The following HACE1 variants were observed in gnomAD, a reference collection of about 807,000 sequenced individuals.
HACE1 encodes the protein HECT domain and ankyrin repeat containing E3 ubiquitin protein ligase 1, also known as E3 ubiquitin-protein ligase HACE1.
Under a neutral mutation model 118.4 loss-of-function variants are expected in HACE1, and 73 were observed. The observed-to-expected ratio is 0.62, with a 90% CI of 0.51 to 0.75. The LOEUF is 0.75. HACE1 is among the 30% of genes least tolerant of loss of function. The pLI is 0.00. For synonymous variants in HACE1, 368 were observed against 374.8 expected (o/e 0.98, Z 0.21); for missense variants, 749 against 1,102.2 (o/e 0.68, Z 4.54).
rs769729775 is a variant in HACE1, at chr6:104,744,500, G to C, written c.2442+12C>G. 1 of 1,410,632 alleles carries C rather than the reference G, an allele frequency of 7.1e-7. No homozygotes were observed. The highest frequency in any genetic ancestry group is 1.0e-6 in the Non-Finnish European group (1 of 994,408). 87.4% of individuals were successfully genotyped at this position (1,410,632 alleles called of 1,614,324 possible). A position where few individuals can be genotyped will look rare whatever the true frequency, so the allele number is the denominator to read the frequency against. ...AAACTTAACTTCATTCTAAGCTCTA[G>C]AGAAATTTTACCTGAATAACTGGAT... On this transcript the variant is annotated intron_variant, in intron 21 of 23. Coordinates refer to ENST00000262903, the MANE Select transcript of HACE1 (RefSeq NM_020771.4).
At chr6:104,797,090 A>T (rs1243549960) in intron 7 of HACE1, 65 bp from the exon 8 acceptor site, 1 of 873,974 alleles carries the variant, frequency 1.1e-6, no homozygotes, top group Non-Finnish European at 2.0e-6. Context: ...TGAATTATGG[A>T]TAGTTAATAT....
At chr6:104,770,122 G>C (rs185466981) in intron 19 of HACE1, among the ~76,000 whole-genome samples, 2 of 152,106 alleles carry the variant, frequency 1.3e-5, no homozygotes, top group Admixed American at 1.3e-4. Context: ...TAAATCTATA[G>C]TTTAAAAAAT....
intron 11 of HACE1, among the ~76,000 whole-genome samples, chr6:104,791,145 T>C (rs1245885694): frequency 6.6e-6 from 1 of 152,192 alleles, no homozygotes; most frequent in Non-Finnish European, 1.5e-5. Flanking sequence ...AAATAAAAAC[T>C]GTGCATTTTA....
intron 19 of HACE1, among the ~76,000 whole-genome samples, chr6:104,769,240 G>T (rs9499964): frequency 0.032 from 4,791 of 151,942 alleles, 239 homozygotes; most frequent in African/African-American, 0.11. Context: ...TCACTATGTT[G>T]CCCAGGCTTG....
At chr6:104,831,484 C>T (rs564068430) in intron 6 of HACE1, among the ~76,000 whole-genome samples, 153 of 152,076 alleles carry the variant, frequency 1.0e-3, no homozygotes, top group African/African-American at 3.6e-3. Context: ...ACTTAGGAGG[C>T]TGAGGCACAA....
Position 104,737,282 on chromosome 6 carries a change from C to CAAAA in HACE1, c.2514-6870_2514-6867dup, listed in dbSNP as rs59915070. The stretch of plus-strand genomic sequence containing the variant: ...TGGGGGACAGAGTGAGACTCTCTCT[C>CAAAA]AAAAAAAAAAAAAAAAAAAAAAAAA... On this transcript the variant is annotated intron_variant, in intron 22 of 23. Coordinates refer to ENST00000262903, the MANE Select transcript of HACE1 (RefSeq NM_020771.4). Among the ~76,000 whole-genome samples the CAAAA allele has an allele frequency of 9.2e-3, 393 of 42,738 alleles. 17 individuals carry two copies. Among genetic ancestry groups the CAAAA allele is most frequent in the African/African-American group, 0.031 (363 of 11,634 alleles). The allele number at this position is 42,738 out of a possible 152,430, so 28.0% of individuals were successfully genotyped here. A position where few individuals can be genotyped will look rare whatever the true frequency, so the allele number is the denominator to read the frequency against.
chr6:104,805,721 G>A (rs1770919740), intron 7 of HACE1, among the ~76,000 whole-genome samples: 1 of 152,154 alleles, frequency 6.6e-6, no homozygotes, highest in Non-Finnish European at 1.5e-5. Flanking sequence ...AGGGGGCTGG[G>A]GGAGGGATAG....
rs762467930 is a variant in HACE1 at position 104,849,258 on chromosome 6, T to C, written c.222-12A>G. ...CCACCGATCCACAACTAAAACAATA[T>C]TAAAAGACAGTTCAGATACATTCAA... On this transcript the variant is annotated splice_polypyrimidine_tract_variant and intron_variant, in intron 3 of 23. Coordinates refer to ENST00000262903, the MANE Select transcript of HACE1 (RefSeq NM_020771.4). 6.8e-7 allele frequency: 1 copy of C among 1,478,382 alleles called. No individual in the cohort carries two copies. The allele number at this position is 1,478,382 out of a possible 1,614,324, so 91.6% of individuals were successfully genotyped here.
In HACE1 at chr6:104,836,799, C is replaced by A. The variant is rs780744057; in HGVS notation, c.403-3626G>T. The stretch of plus-strand genomic sequence containing the variant: ...ATCTCAAGCAATTTGCCCAAAGTCC[C>A]CCAGAACTAATAAGTGAGTTCAGCA... On this transcript the variant is annotated intron_variant, in intron 5 of 23. Coordinates refer to ENST00000262903, the MANE Select transcript of HACE1 (RefSeq NM_020771.4). 6.6e-5 allele frequency among the ~76,000 whole-genome samples: 10 copies of A among 152,182 alleles called. 1 individual carries two copies. The South Asian group carries it at 1.2e-3, about 19-fold the overall frequency.
chr6:104,761,978 G>A (rs1434773854), intron 19 of HACE1, among the ~76,000 whole-genome samples: 2 of 152,174 alleles, frequency 1.3e-5, no homozygotes, highest in Non-Finnish European at 2.9e-5. Context: ...TTAGAGAAAT[G>A]CAAATCAAAA....
intron 15 of HACE1, 32 bp downstream of exon 15, chr6:104,777,174 C>T (rs1396593704): frequency 6.5e-7 from 1 of 1,547,166 alleles, no homozygotes; most frequent in Non-Finnish European, 8.9e-7. Context: ...CTTTGTGCTT[C>T]ACACATATAT....
intron 6 of HACE1, among the ~76,000 whole-genome samples, chr6:104,815,688 C>A (rs565892486): frequency 1.4e-5 from 2 of 138,332 alleles, no homozygotes; most frequent in Admixed American, 7.1e-5. Context: ...TTCTAACCAG[C>A]AAAGCATTCA....
chr6:104,750,750 C>T (rs1777953843), intron 19 of HACE1, among the ~76,000 whole-genome samples: 2 of 152,152 alleles, frequency 1.3e-5, no homozygotes, highest in Non-Finnish European at 2.9e-5. Context: ...TCACTACCTC[C>T]ATTTCAGCAC....
Position 104,811,413 on chromosome 6 carries a change from TA to T in HACE1, c.535-21del. ...CACTGTCTGAGGGGGAAAAAATAATTAAAAGTAAAGCCAGAGGAATCAAACA... is the reference window on the plus strand; with the variant it reads ...CACTGTCTGAGGGGGAAAAAATAATTAAAGTAAAGCCAGAGGAATCAAACA... On this transcript the variant is annotated intron_variant, in intron 6 of 23. Transcript: ENST00000262903. The T allele has an allele frequency of 1.7e-6, 2 of 1,184,534 alleles. No homozygotes were observed. Among genetic ancestry groups the T allele is most frequent in the Non-Finnish European group, 1.3e-6 (1 of 789,616 alleles). 73.4% of individuals were successfully genotyped at this position (1,184,534 alleles called of 1,614,324 possible).
chr6:104,829,346 AAAC>A (rs1434345722), intron 6 of HACE1, among the ~76,000 whole-genome samples: 1 of 152,144 alleles, frequency 6.6e-6, no homozygotes, highest in African/African-American at 2.4e-5. Context: ...ACTCAAGATA[AAAC>A]AATACACTTA....
In HACE1 at chr6:104,808,487, C is replaced by T. The variant is rs534665244; in HGVS notation, c.617+2824G>A. On this transcript the variant is annotated intron_variant, in intron 7 of 23. Coordinates refer to ENST00000262903, the MANE Select transcript of HACE1 (RefSeq NM_020771.4). Reference sequence around the variant, plus strand: ...TGACTAATGTTGTATAGCTCTGGTGCTGGGATTTGAACCTGCCTACACAAA... The same window carrying T: ...TGACTAATGTTGTATAGCTCTGGTGTTGGGATTTGAACCTGCCTACACAAA... 4.6e-4 allele frequency among the ~76,000 whole-genome samples: 70 copies of T among 152,264 alleles called. 1 individual carries two copies. Among genetic ancestry groups the T allele is most frequent in the Admixed American group, 1.9e-3 (29 of 15,280 alleles).
intron 1 of HACE1, among the ~76,000 whole-genome samples, chr6:104,853,344 T>C (rs1205536592): frequency 1.3e-5 from 2 of 152,166 alleles, no homozygotes; most frequent in Non-Finnish European, 2.9e-5. Flanking sequence ...CTTTACACAA[T>C]AAATTCACAA....
Position 104,833,148 on chromosome 6 carries a change from C to T in HACE1, c.428G>A (p.Arg143Gln). 1.2e-6 allele frequency: 2 copies of T among 1,613,656 alleles called. No individual in the cohort carries two copies. The highest frequency in any genetic ancestry group is 1.7e-6 in the Non-Finnish European group (2 of 1,179,592). Residue 143 changes from arginine to glutamine, a missense_variant, in exon 6 of 24, where the codon CGG becomes CAG. Physicochemically the swap from Arg to Gln is conservative, Grantham distance 43. Transcript: ENST00000262903. ...CACAAGGTCATGGAGTAGTTCTGTC[C>T]GCCCATTCACAGCCAGCCAATGTAT... ...TAIHWLAVNGRTELLHDLVQH... is the reference protein window; with the variant it reads ...TAIHWLAVNGQTELLHDLVQH...
intron 5 of HACE1, among the ~76,000 whole-genome samples, chr6:104,835,337 G>T (rs890655799): frequency 1.3e-5 from 2 of 151,968 alleles, no homozygotes; most frequent in Non-Finnish European, 2.9e-5. Flanking sequence ...GGGGAAAAAG[G>T]AACCATGAAT....
Sources: gnomAD v4.1 joint callset for allele counts (sites outside exome capture counted in the v4.1 genomes callset) on GRCh38, gnomAD v4.1.1 for gene constraint, MANE v1.5 for transcripts, NCBI Gene and HGNC (gene_info 2026-07-23, HGNC 2026-07-21) for gene names.